ZC3H12B: variants seen among roughly 807,000 people sequenced by gnomAD.
The protein encoded by ZC3H12B is probable ribonuclease ZC3H12B.
ZC3H12B carries 7 observed loss-of-function variants against 43.9 expected under a neutral mutation model. That is an observed-to-expected ratio of 0.16 (90% confidence interval 0.09 to 0.30). The LOEUF (loss-of-function observed/expected upper bound fraction) is 0.30. ZC3H12B is among the 10% of genes least tolerant of loss of function. The pLI is 1.00. For synonymous variants in ZC3H12B, 222 were observed against 241.7 expected, an observed-to-expected ratio of 0.92 and a Z score of 0.76; for missense variants, 475 against 670.2, an observed-to-expected ratio of 0.71 and a Z score of 3.22.
At chrX:65,447,011 G>A (rs1468606580) in intron 3 of ZC3H12B, among the ~76,000 whole-genome samples, 2 of 111,470 alleles carry the variant, frequency 1.8e-5, no homozygotes, top group Non-Finnish European at 3.8e-5. Context: ...AACTTTTGTT[G>A]GAGTACTTTG....
chrX:65,085,053 A>G, the ZC3H12B span, among the ~76,000 whole-genome samples: 85 of 111,982 alleles, frequency 7.6e-4, 3 homozygotes, highest in East Asian at 0.021. Flanking sequence ...GGATCTAAAA[A>G]TTGAATCAAT....
At chrX:65,145,684 C>A in the ZC3H12B span, among the ~76,000 whole-genome samples, 2 of 111,284 alleles carry the variant, frequency 1.8e-5, no homozygotes, top group Non-Finnish European at 3.8e-5. Context: ...TTTGGTAGTG[C>A]TGAATTCTCT....
At chrX:65,153,877 A>G in the ZC3H12B span, among the ~76,000 whole-genome samples, 27 of 111,143 alleles carry the variant, frequency 2.4e-4, no homozygotes, top group African/African-American at 8.5e-4. Context: ...TGGCACATAT[A>G]CACCATGGAA....
chrX:65,365,583 C>A (rs1031393337), upstream of ZC3H12B, among the ~76,000 whole-genome samples: 3 of 110,881 alleles, frequency 2.7e-5, no homozygotes, highest in African/African-American at 9.9e-5. Flanking sequence ...TCTCTCCATA[C>A]CATCCCCCAA....
chrX:65,406,698 G>C (rs1341440930), intron 3 of ZC3H12B, among the ~76,000 whole-genome samples: 1 of 111,108 alleles, frequency 9.0e-6, no homozygotes, highest in Non-Finnish European at 1.9e-5. Context: ...CCACGCCAGA[G>C]GCGCGGGCGG....
At chrX:65,144,919 G>A in the ZC3H12B span, among the ~76,000 whole-genome samples, 6 of 111,629 alleles carry the variant, frequency 5.4e-5, no homozygotes, top group Non-Finnish European at 1.1e-4. Flanking sequence ...AGTTCCATGC[G>A]CTGTTGAATA....
the ZC3H12B span, among the ~76,000 whole-genome samples, chrX:65,120,811 G>C: frequency 3.6e-5 from 4 of 111,318 alleles, no homozygotes; most frequent in Admixed American, 3.8e-4. Flanking sequence ...TTATTATTTT[G>C]AGATACGTCT....
the ZC3H12B span, among the ~76,000 whole-genome samples, chrX:65,099,367 C>T: frequency 1.8e-5 from 2 of 111,755 alleles, no homozygotes; most frequent in Non-Finnish European, 3.8e-5. Context: ...AACCACAGTG[C>T]TCAAGCTCTG....
At chrX:65,127,867 A>C in the ZC3H12B span, among the ~76,000 whole-genome samples, 2 of 111,107 alleles carry the variant, frequency 1.8e-5, no homozygotes, top group East Asian at 5.7e-4. Flanking sequence ...GGGCAGTCTC[A>C]CTTTCATCGT....
At chrX:65,132,407 G>A in the ZC3H12B span, among the ~76,000 whole-genome samples, 2 of 110,423 alleles carry the variant, frequency 1.8e-5, no homozygotes, top group Admixed American at 9.6e-5. Flanking sequence ...GGCATTGAGC[G>A]GAGTAAGGGT....
At chrX:65,485,234 A>G (rs1482127215), upstream of ZC3H12B, among the ~76,000 whole-genome samples, 2 of 112,152 alleles carry the variant, frequency 1.8e-5, no homozygotes, top group Non-Finnish European at 3.8e-5. Flanking sequence ...TTTTTCAATC[A>G]GTAACAATAA....
the ZC3H12B span, among the ~76,000 whole-genome samples, chrX:65,065,558 T>C: frequency 9.0e-6 from 1 of 111,670 alleles, no homozygotes; most frequent in Non-Finnish European, 1.9e-5. Flanking sequence ...GATTTATCTC[T>C]CTCTCTGCCC....
the ZC3H12B span, among the ~76,000 whole-genome samples, chrX:65,243,928 C>T: frequency 1.3e-4 from 14 of 111,647 alleles, no homozygotes; most frequent in African/African-American, 4.2e-4. Flanking sequence ...CAAAATTAAA[C>T]TCATTGAGAC....
At chrX:65,363,719 A>G (rs2066135295), upstream of ZC3H12B, among the ~76,000 whole-genome samples, 1 of 111,712 alleles carries the variant, frequency 9.0e-6, no homozygotes, top group African/African-American at 3.3e-5. Context: ...AAACAACTTG[A>G]CCTTACTGTT....
intron 3 of ZC3H12B, among the ~76,000 whole-genome samples, chrX:65,436,624 G>A (rs954525393): frequency 4.5e-5 from 5 of 111,669 alleles, no homozygotes; most frequent in African/African-American, 6.5e-5. Context: ...GCTCATATAC[G>A]TGATAAGCGA....
the ZC3H12B span, among the ~76,000 whole-genome samples, chrX:65,130,856 G>C: frequency 8.9e-6 from 1 of 111,879 alleles, no homozygotes; most frequent in African/African-American, 3.3e-5. Context: ...TGGAATGCTA[G>C]CTGCTTTTTT....
chrX:65,412,466 G>GT lies in ZC3H12B; in HGVS notation n.407+13770dup, dbSNP rs200003466. Among the ~76,000 whole-genome samples the GT allele has an allele frequency of 6.0e-3, 661 of 110,768 alleles. 18 individuals are homozygous for GT. The highest frequency in any genetic ancestry group is 0.052 in the Admixed American group (534 of 10,365). ...TATTTGTTTGAGTACATATTTTCAA[G>GT]TTTTTTTTGGAACAGGGCACAGGGT... On this transcript the variant is annotated intron_variant and non_coding_transcript_variant, in intron 3 of 5. Transcript: ENST00000617377.
intron 3 of ZC3H12B, among the ~76,000 whole-genome samples, chrX:65,412,655 A>G (rs1041321586): frequency 1.8e-5 from 2 of 110,619 alleles, no homozygotes; most frequent in African/African-American, 6.6e-5. Flanking sequence ...TTTTGTAGAG[A>G]CAGGGTTTCA....
chrX:65,279,852 A>G, the ZC3H12B span, among the ~76,000 whole-genome samples: 4 of 112,243 alleles, frequency 3.6e-5, no homozygotes, highest in African/African-American at 1.3e-4. Flanking sequence ...CAGCATCTAT[A>G]AGGAACTTAT....
Sources: allele counts gnomAD v4.1 joint callset (sites outside exome capture counted in the v4.1 genomes callset), GRCh38; gene constraint gnomAD v4.1.1; transcripts MANE v1.5; gene names NCBI Gene and HGNC (gene_info 2026-07-23, HGNC 2026-07-21).